SPATS2: variants seen among roughly 807,000 people sequenced by gnomAD.
The protein encoded by SPATS2 is spermatogenesis-associated serine-rich protein 2.
In SPATS2, 38 loss-of-function variants were observed where a neutral mutation model predicts 63.7. That is an observed-to-expected ratio of 0.60 (90% CI 0.46 to 0.78). The LOEUF (loss-of-function observed/expected upper bound fraction) is 0.78. Among genes scored for constraint, SPATS2 ranks in the 30% least tolerant of loss-of-function variants. The pLI is 0.00. For synonymous variants in SPATS2, 207 were observed against 232.9 expected, an observed-to-expected ratio of 0.89 and a Z score of 1.01; for missense variants, 588 against 666.2, an observed-to-expected ratio of 0.88 and a Z score of 1.29.
chr12:49,523,690 G>A (rs2049896356), intron 12 of SPATS2, among the ~76,000 whole-genome samples: 1 of 152,128 alleles, frequency 6.6e-6, no homozygotes. Context: ...GGTGGCTCAT[G>A]CCTGTAATCC....
chr12:49,377,151 CT>C (rs1449058967), intron 2 of SPATS2, among the ~76,000 whole-genome samples: 1 of 152,002 alleles, frequency 6.6e-6, no homozygotes, highest in Non-Finnish European at 1.5e-5. Context: ...TTAAACAAAG[CT>C]TAGTTGGTTA....
At chr12:49,491,543 C>CA (rs1022445688) in intron 6 of SPATS2, among the ~76,000 whole-genome samples, 2 of 151,098 alleles carry the variant, frequency 1.3e-5, no homozygotes, top group South Asian at 2.1e-4. Context: ...AACCTGATCT[C>CA]AAAAAAAAGG....
At position 49,514,628 on chromosome 12, in the gene SPATS2, CT is replaced by C; in HGVS notation, c.898+18del. The C allele has an allele frequency of 6.2e-7, 1 of 1,611,608 alleles. No homozygotes were observed. The highest frequency in any genetic ancestry group is 1.1e-5 in the South Asian group (1 of 90,602). ...AGCTGAAGCAAGTAAGATGATTGAT[CT>C]TTAATTAAAGCTATTACCTTCATAA... On this transcript the variant is annotated intron_variant, in intron 10 of 13. Coordinates refer to ENST00000552918, the MANE Select transcript of SPATS2 (RefSeq NM_023071.4).
At chr12:49,503,379 G>A (rs569052136) in intron 9 of SPATS2, among the ~76,000 whole-genome samples, 1 of 149,178 alleles carries the variant, frequency 6.7e-6, no homozygotes, top group South Asian at 2.1e-4. Context: ...GCTGGGCGCG[G>A]TGGCTCATGC....
intron 12 of SPATS2, among the ~76,000 whole-genome samples, chr12:49,523,793 A>G (rs1946983088): frequency 1.3e-5 from 2 of 152,098 alleles, no homozygotes; most frequent in Non-Finnish European, 2.9e-5. Context: ...CTACTAAAAA[A>G]TACAAAAAAT....
intron 4 of SPATS2, among the ~76,000 whole-genome samples, chr12:49,486,021 A>C (rs980351602): frequency 3.9e-5 from 6 of 151,902 alleles, no homozygotes; most frequent in Admixed American, 1.3e-4. Context: ...GGCCTCCCAA[A>C]GTGCTGGGAT....
At chr12:49,398,135 C>CAAAAAAA (rs71080193) in intron 2 of SPATS2, among the ~76,000 whole-genome samples, 56 of 45,264 alleles carry the variant, frequency 1.2e-3, no homozygotes, top group African/African-American at 1.6e-3. Context: ...GACCCTGTCT[C>CAAAAAAA]AAAAAAAAAA....
intron 2 of SPATS2, among the ~76,000 whole-genome samples, chr12:49,404,007 T>A (rs1044917441): frequency 6.6e-6 from 1 of 152,168 alleles, no homozygotes; most frequent in East Asian, 1.9e-4. Context: ...TTTGCTAGAT[T>A]CATTCGTTCC....
intron 11 of SPATS2, among the ~76,000 whole-genome samples, chr12:49,520,432 G>A (rs1218230677): frequency 6.6e-6 from 1 of 151,874 alleles, no homozygotes; most frequent in Non-Finnish European, 1.5e-5. Context: ...TACCACCCTT[G>A]ACCTCCTCAT....
chr12:49,376,092 ATTTTTTTTTTTTTTTT>A (rs749954777), intron 2 of SPATS2, among the ~76,000 whole-genome samples: 3 of 81,068 alleles, frequency 3.7e-5, no homozygotes, highest in Admixed American at 1.4e-4. Context: ...ACCTGGCCTG[ATTTTTTTTTTTTTTTT>A]TTTTTTTTTT....
chr12:49,399,924 T>A (rs957151277), intron 2 of SPATS2, among the ~76,000 whole-genome samples: 1 of 152,258 alleles, frequency 6.6e-6, no homozygotes, highest in Admixed American at 6.5e-5. Flanking sequence ...TAGTCCCAGC[T>A]ACTCGGGAGG....
intron 2 of SPATS2, chr12:49,454,255 T>C (rs1241899655): frequency 1.3e-5 from 2 of 152,280 alleles, no homozygotes; most frequent in Non-Finnish European, 2.9e-5. Flanking sequence ...TGCTTCCAAG[T>C]ACTCCTGCAA....
intron 7 of SPATS2, among the ~76,000 whole-genome samples, chr12:49,495,304 A>C (rs1007695500): frequency 4.0e-5 from 6 of 151,876 alleles, no homozygotes; most frequent in African/African-American, 1.5e-4. Context: ...CGCCATTCTC[A>C]TGCCTCAGCC....
intron 13 of SPATS2, among the ~76,000 whole-genome samples, chr12:49,525,346 TC>T (rs1247064795): frequency 2.6e-5 from 4 of 152,206 alleles, no homozygotes; most frequent in Non-Finnish European, 4.4e-5. Flanking sequence ...ATCCATAGGT[TC>T]TTCTCCTGTT....
chr12:49,436,121 C>G (rs931194241), intron 2 of SPATS2, among the ~76,000 whole-genome samples: 1 of 152,054 alleles, frequency 6.6e-6, no homozygotes, highest in Admixed American at 6.5e-5. Context: ...ACAAAACCGC[C>G]ATTGTCATCA....
chr12:49,499,973 C>A (rs1592461597), intron 8 of SPATS2, 97 bp from the exon 9 acceptor site: 4 of 966,242 alleles, frequency 4.1e-6, no homozygotes, highest in East Asian at 6.5e-5. Context: ...GATTCTTAGT[C>A]TACATGACAT....
chr12:49,442,958 GA>G (rs1043546332), intron 2 of SPATS2, among the ~76,000 whole-genome samples: 5 of 152,110 alleles, frequency 3.3e-5, no homozygotes, highest in African/African-American at 1.2e-4. Flanking sequence ...CTGTCTCTAT[GA>G]ATTTGACTAG....
intron 2 of SPATS2, among the ~76,000 whole-genome samples, chr12:49,457,643 G>A (rs1487494288): frequency 2.0e-5 from 3 of 152,106 alleles, no homozygotes; most frequent in Non-Finnish European, 1.5e-5. Context: ...ATGCCGGTCA[G>A]ACTGGTCTAG....
At chr12:49,410,328 G>A (rs939240941) in intron 2 of SPATS2, among the ~76,000 whole-genome samples, 7 of 151,944 alleles carry the variant, frequency 4.6e-5, no homozygotes, top group African/African-American at 7.3e-5. Context: ...CGCCCACCTC[G>A]GCCTCCCAAA....
Sources: allele counts gnomAD v4.1 joint callset (sites outside exome capture counted in the v4.1 genomes callset), GRCh38; gene constraint gnomAD v4.1.1; transcripts MANE v1.5; gene names NCBI Gene and HGNC (gene_info 2026-07-23, HGNC 2026-07-21).